Variants in ZNF473 observed in about 807,000 individuals in gnomAD.
ZNF473 encodes the protein zinc finger protein 100 homolog.
Under a neutral mutation model 11.1 loss-of-function variants are expected in ZNF473, and 4 were observed. That is an observed-to-expected ratio of 0.36 (90% CI 0.18 to 0.82). The LOEUF (loss-of-function observed/expected upper bound fraction) is 0.82, where lower values mean the gene tolerates loss of function less well. Among genes scored for constraint, ZNF473 ranks in the 40% least tolerant of loss-of-function variants. The pLI is 0.49. For synonymous variants in ZNF473, 404 were observed against 390.4 expected, an observed-to-expected ratio of 1.03 and a Z score of -0.41; for missense variants, 854 against 1,084.0, an observed-to-expected ratio of 0.79 and a Z score of 2.98.
rs772654685 is a variant in ZNF473, at chr19:50,045,622, C to T, written c.1179C>T (p.His393=). The change falls in exon 5 of 5, where the codon CAC becomes CAT. Residue 393 remains histidine, a synonymous_variant. Coordinates refer to ENST00000270617, the MANE Select transcript of ZNF473 (RefSeq NM_015428.4). The part of the protein sequence containing the change: ...IFRHSSLLIE[H]QALHAGEEPY... ...GGCACAGTTCGCTGCTCATTGAACA[C>T]CAGGCTCTTCATGCTGGAGAGGAGC... is the stretch of plus-strand genomic sequence containing the variant. The T allele has an allele frequency of 2.5e-6, 4 of 1,614,026 alleles. No homozygotes were observed. The highest frequency in any genetic ancestry group is 1.1e-5 in the South Asian group (1 of 91,082).
At chr19:50,030,618 T>G (rs774442122) in intron 1 of ZNF473, among the ~76,000 whole-genome samples, 1 of 152,228 alleles carries the variant, frequency 6.6e-6, no homozygotes, top group Non-Finnish European at 1.5e-5. Flanking sequence ...ACACCTTCGT[T>G]CTGTCAACAA....
chr19:50,031,168 A>C, intron 2 of ZNF473, 77 bp downstream of exon 2: 1 of 1,541,970 alleles, frequency 6.5e-7, no homozygotes, highest in Non-Finnish European at 8.8e-7. Flanking sequence ...GGCCGAGGCG[A>C]GTTGAAGGTC....
chr19:50,028,830 C>G (rs1186304274), intron 1 of ZNF473, among the ~76,000 whole-genome samples: 1 of 152,158 alleles, frequency 6.6e-6, no homozygotes, highest in Non-Finnish European at 1.5e-5. Flanking sequence ...AAATATCTGT[C>G]AACTGAGTTA....
In ZNF473 at chr19:50,047,826, T is replaced by A. The variant is rs1979225594; in HGVS notation, c.*767T>A. 6.6e-6 allele frequency: 1 copy of A among 152,258 alleles called. No individual in the cohort carries two copies. Among genetic ancestry groups the A allele is most frequent in the Non-Finnish European group, 1.5e-5 (1 of 68,060 alleles). The allele number at this position is 152,258 out of a possible 1,614,324, so 9.4% of individuals were successfully genotyped here. On this transcript the variant is annotated 3_prime_UTR_variant, in exon 5 of 5. Coordinates refer to ENST00000270617, the MANE Select transcript of ZNF473 (RefSeq NM_015428.4). ...TTCCTCCATTTAACAGTGTTGGTTA[T>A]GCAATAAGACACCCAATTTTTCATG...
intron 2 of ZNF473, among the ~76,000 whole-genome samples, chr19:50,036,399 T>C (rs58492510): frequency 0.053 from 7,623 of 143,354 alleles, 651 homozygotes; most frequent in African/African-American, 0.19. Flanking sequence ...CTGCAAGCTC[T>C]GCTTCCCAGG....
intron 3 of ZNF473, 127 bp from the exon 4 acceptor site, chr19:50,041,603 C>T (rs943861301): frequency 2.7e-5 from 20 of 746,336 alleles, no homozygotes; most frequent in South Asian, 1.2e-4. Flanking sequence ...TGCAGCACCT[C>T]GTCCACACAC....
Position 50,046,950 on chromosome 19 carries a change from A to T in ZNF473, c.2507A>T (p.His836Leu). The T allele has an allele frequency of 6.2e-7, 1 of 1,614,204 alleles. No homozygotes were observed. The highest frequency in any genetic ancestry group is 8.5e-7 in the Non-Finnish European group (1 of 1,180,054). Residue 836 changes from histidine to leucine, a missense_variant, in exon 5 of 5, where the codon CAC becomes CTC. This residue lies in a region of ZNF473 where 186 missense variants were observed against 293.8 expected (regional missense o/e 0.63). Transcript: ENST00000270617. This position sits in a 1 kb window ranked among gnomAD's most constrained non-coding sequence, Gnocchi z 5.9. The part of the protein sequence containing the change: ...SAHLNQHLRV[H>L]TQETLYQCQR... ...CATCTCAACCAGCACCTGAGAGTTC[A>T]CACCCAGGAGACACTTTATCAGTGT... is the stretch of plus-strand genomic sequence containing the variant.
Position 50,039,488 on chromosome 19 carries a change from G to A in ZNF473, c.136+201G>A, listed in dbSNP as rs1041381152. On this transcript the variant is annotated intron_variant, in intron 3 of 4. Transcript: ENST00000270617. The surrounding 1 kb of genome is among the most constrained non-coding windows in gnomAD (Gnocchi z 4.8). ...TTGTTACTCCTTGGGCCAGCGCAGC[G>A]TGCCGCTAGCATCTAGCTGGTGGAA... 6.6e-6 allele frequency among the ~76,000 whole-genome samples: 1 copy of A among 152,370 alleles called. No homozygotes were observed. Among genetic ancestry groups the A allele is most frequent in the Middle Eastern group, 3.4e-3 (1 of 294 alleles).
Position 50,045,856 on chromosome 19 carries a change from C to T in ZNF473, c.1413C>T (p.Pro471=). 1 of 1,614,124 alleles carries T rather than the reference C, an allele frequency of 6.2e-7. No homozygotes were observed. Among genetic ancestry groups the T allele is most frequent in the Non-Finnish European group, 8.5e-7 (1 of 1,180,016 alleles). The stretch of plus-strand genomic sequence containing the variant: ...AATGCGTCAGGAGTTTCAGCCGGCC[C>T]TCACATCTGATGCGACATCAGGCCA... ...CQECVRSFSR[P]SHLMRHQAIH... Residue 471 remains proline (P), a synonymous_variant, in exon 5 of 5, where the codon CCC becomes CCT. Transcript: ENST00000270617.
chr19:50,044,256 T>C (rs746034699), intron 4 of ZNF473, among the ~76,000 whole-genome samples: 11 of 151,852 alleles, frequency 7.2e-5, no homozygotes, highest in Non-Finnish European at 1.3e-4. Context: ...AGGGAGGAGG[T>C]TGACTCCCAG....
In ZNF473 at chr19:50,047,124, A is replaced by G; in HGVS notation, c.*65A>G. The G allele has an allele frequency of 7.5e-7, 1 of 1,340,604 alleles. No homozygotes were observed. 83.0% of individuals were successfully genotyped at this position (1,340,604 alleles called of 1,614,324 possible). On this transcript the variant is annotated 3_prime_UTR_variant, in exon 5 of 5. Transcript: ENST00000270617. ...ACTCGGATGTTGAAAGTTGGAAACT[A>G]TCCCATTGCAAGTTTCTCTCCAAAT...
rs971316847 is a variant in ZNF473, at chr19:50,046,588, A to T, written c.2145A>T (p.Ser715=). The T allele has an allele frequency of 6.2e-7, 1 of 1,614,248 alleles. No homozygotes were observed. The highest frequency in any genetic ancestry group is 8.5e-7 in the Non-Finnish European group (1 of 1,180,040). The part of the protein sequence containing the change: ...NECGKTFRQS[S]CLSKHQRIHS... ...GCGGGAAAACGTTCCGTCAGAGCTCATGCCTTTCTAAGCATCAGAGAATTC... is the reference window on the plus strand; with the variant it reads ...GCGGGAAAACGTTCCGTCAGAGCTCTTGCCTTTCTAAGCATCAGAGAATTC... Residue 715 remains serine (S), a synonymous_variant, in exon 5 of 5, where the codon TCA becomes TCT. Coordinates refer to ENST00000270617, the MANE Select transcript of ZNF473 (RefSeq NM_015428.4). The surrounding 1 kb of genome is among the most constrained non-coding windows in gnomAD (Gnocchi z 5.9).
chr19:50,032,874 G>A (rs77198930), intron 2 of ZNF473, among the ~76,000 whole-genome samples: 3,099 of 152,264 alleles, frequency 0.02, 103 homozygotes, highest in African/African-American at 0.071. Flanking sequence ...TTCACAGGAT[G>A]TCCTCCCTGT....
chr19:50,035,926 C>T (rs1242480153), intron 2 of ZNF473, among the ~76,000 whole-genome samples: 1 of 152,088 alleles, frequency 6.6e-6, no homozygotes, highest in African/African-American at 2.4e-5. Flanking sequence ...CCACCACCTA[C>T]TCACCGTGTG....
At position 50,044,854 on chromosome 19, in the gene ZNF473, T is replaced by G; in HGVS notation, c.411T>G (p.Ile137Met). Reference sequence around the variant, plus strand: ...CAGAAAGTCTTCTGAGGTCTGATATTGCCACCAACGGGGAAAGTCCCACGG... The same window carrying G: ...CAGAAAGTCTTCTGAGGTCTGATATGGCCACCAACGGGGAAAGTCCCACGG... ...GDPESLLRSD[I>M]ATNGESPTEC... The change falls in exon 5 of 5, where the codon ATT (isoleucine) becomes ATG (methionine). Residue 137 changes from isoleucine to methionine, a missense_variant. Around this residue, in one of 2 missense-constraint regions of ZNF473, gnomAD observed 668 missense variants for 790.2 expected, o/e 0.85. Coordinates refer to ENST00000270617, the MANE Select transcript of ZNF473 (RefSeq NM_015428.4). The G allele has an allele frequency of 6.2e-7, 1 of 1,614,246 alleles. No homozygotes were observed. Among genetic ancestry groups the G allele is most frequent in the Non-Finnish European group, 8.5e-7 (1 of 1,180,054 alleles).
intron 2 of ZNF473, among the ~76,000 whole-genome samples, chr19:50,036,727 T>TA (rs1379822489): frequency 6.6e-6 from 1 of 152,166 alleles, no homozygotes; most frequent in Non-Finnish European, 1.5e-5. Flanking sequence ...GGGTCTGTTG[T>TA]AAAAGCCAGC....
chr19:50,045,204 T>G lies in ZNF473; in HGVS notation c.761T>G (p.Val254Gly). 1.2e-6 allele frequency: 2 copies of G among 1,614,184 alleles called. No homozygotes were observed. Among genetic ancestry groups the G allele is most frequent in the African/African-American group, 2.7e-5 (2 of 75,044 alleles). ...TTTGACCGGAATGCTTCCCTTTCTG[T>G]GTATCCGAAAACTCACACGGGCTAC... is the stretch of plus-strand genomic sequence containing the variant. ...QGFDRNASLSVYPKTHTGYKF... is the reference protein window; with the variant it reads ...QGFDRNASLSGYPKTHTGYKF... The change falls in exon 5 of 5, where the codon GTG becomes GGG. Residue 254 changes from valine (V) to glycine (G), a missense_variant. Physicochemically the swap from Val to Gly is moderately radical, Grantham distance 109. Transcript: ENST00000270617.
At position 50,045,087 on chromosome 19, in the gene ZNF473, G is replaced by C; in HGVS notation, c.644G>C (p.Gly215Ala). The part of the protein sequence containing the change: ...GEKPYQCSEC[G>A]KSFSGSYRLT... ...AAACCATATCAATGTAGTGAATGTG[G>C]GAAAAGCTTCAGTGGGAGTTACCGT... The change falls in exon 5 of 5, where the codon GGG becomes GCG. Residue 215 changes from glycine (G) to alanine (A), a missense_variant. This residue lies in a region of ZNF473 where 668 missense variants were observed against 790.2 expected (regional missense o/e 0.85). Transcript: ENST00000270617. The C allele has an allele frequency of 6.2e-7, 1 of 1,614,146 alleles. No homozygotes were observed. The highest frequency in any genetic ancestry group is 8.5e-7 in the Non-Finnish European group (1 of 1,180,016).
In ZNF473 at chr19:50,039,476, G is replaced by A. The variant is rs1978654875; in HGVS notation, c.136+189G>A. 6.6e-6 allele frequency among the ~76,000 whole-genome samples: 1 copy of A among 150,562 alleles called. No homozygotes were observed. ...AGACATTTTTGATTGTTACTCCTTG[G>A]GCCAGCGCAGCGTGCCGCTAGCATC... is the stretch of plus-strand genomic sequence containing the variant. On this transcript the variant is annotated intron_variant, in intron 3 of 4. Transcript: ENST00000270617. This position sits in a 1 kb window ranked among gnomAD's most constrained non-coding sequence, Gnocchi z 4.8.
Sources: allele counts gnomAD v4.1 joint callset (sites outside exome capture counted in the v4.1 genomes callset), GRCh38; gene constraint gnomAD v4.1.1; regional missense constraint gnomAD v4.1.1; non-coding constraint Gnocchi (gnomAD v3.1); transcripts MANE v1.5; gene names NCBI Gene and HGNC (gene_info 2026-07-23, HGNC 2026-07-21).